The following DSCAM variants were observed in gnomAD, a reference collection of about 807,000 sequenced individuals.
DSCAM encodes cell adhesion molecule DSCAM.
DSCAM carries 47 observed loss-of-function variants against 217.7 expected under a neutral mutation model. The observed-to-expected ratio is 0.22, with a 90% CI of 0.17 to 0.28. The LOEUF is 0.28. Among genes scored for constraint, DSCAM ranks in the 10% least tolerant of loss-of-function variants. The pLI is 1.00. For synonymous variants in DSCAM, 1,056 were observed against 1,015.3 expected, an observed-to-expected ratio of 1.04 and a Z score of -0.76; for missense variants, 2,080 against 2,618.3, an observed-to-expected ratio of 0.79 and a Z score of 4.49.
At chr21:40,044,032 G>C in intron 31 of DSCAM, 46 bp downstream of exon 31, 1 of 1,602,874 alleles carries the variant, frequency 6.2e-7, no homozygotes, top group Non-Finnish European at 8.5e-7. Context: ...AAGGTGCGGG[G>C]GCCGTGCTGG....
chr21:40,601,404 T>A (rs1233864380), intron 3 of DSCAM, among the ~76,000 whole-genome samples: 1 of 152,180 alleles, frequency 6.6e-6, no homozygotes, highest in East Asian at 1.9e-4. Flanking sequence ...ATTCCAGAAA[T>A]TTTTTTGTTA....
chr21:40,335,526 C>T (rs77608107), intron 8 of DSCAM, among the ~76,000 whole-genome samples: 8,912 of 152,152 alleles, frequency 0.059, 365 homozygotes, highest in Non-Finnish European at 0.083. Flanking sequence ...GTTAATGATT[C>T]AAAGGGCTTT....
intron 25 of DSCAM, 68 bp downstream of exon 25, chr21:40,080,084 T>G: frequency 1.6e-6 from 2 of 1,289,874 alleles, no homozygotes; most frequent in Non-Finnish European, 2.1e-6. Context: ...GGATCTTTTA[T>G]GATTCCAATC....
chr21:40,492,328 G>GAAC (rs747699308), intron 3 of DSCAM, among the ~76,000 whole-genome samples: 14 of 152,236 alleles, frequency 9.2e-5, no homozygotes, highest in Non-Finnish European at 1.8e-4. Flanking sequence ...AACTAATTGA[G>GAAC]AACAGGCTGA....
At chr21:40,142,802 C>A in intron 17 of DSCAM, 98 bp from the exon 18 acceptor site, 8 of 1,366,780 alleles carry the variant, frequency 5.9e-6, no homozygotes, top group Admixed American at 2.3e-5. Flanking sequence ...AATATGCAAG[C>A]AAAAAATTGC....
chr21:40,519,218 G>C (rs1286028687), intron 3 of DSCAM, among the ~76,000 whole-genome samples: 2 of 152,122 alleles, frequency 1.3e-5, no homozygotes, highest in Non-Finnish European at 2.9e-5. Context: ...TTATGTGTGA[G>C]CTTGGCTAGG....
At chr21:40,226,902 C>A (rs2091337992) in intron 11 of DSCAM, among the ~76,000 whole-genome samples, 1 of 152,124 alleles carries the variant, frequency 6.6e-6, no homozygotes, top group Non-Finnish European at 1.5e-5. Flanking sequence ...CCTCCTCCCA[C>A]CATCCACCCT....
intron 3 of DSCAM, among the ~76,000 whole-genome samples, chr21:40,534,914 G>A (rs997666197): frequency 3.9e-5 from 6 of 152,050 alleles, no homozygotes; most frequent in African/African-American, 1.5e-4. Flanking sequence ...CTAAACTTAC[G>A]TGGTATCATC....
intron 1 of DSCAM, among the ~76,000 whole-genome samples, chr21:40,716,859 C>G (rs776253765): frequency 1.3e-5 from 2 of 152,146 alleles, no homozygotes; most frequent in African/African-American, 2.4e-5. Context: ...GAAGGGTACT[C>G]TAGTTCACAT....
intron 3 of DSCAM, among the ~76,000 whole-genome samples, chr21:40,512,010 A>AAAAAAAAAAAAT (rs61560593): frequency 0.022 from 2,378 of 106,304 alleles, 439 homozygotes; most frequent in Middle Eastern, 0.047. Flanking sequence ...AAAAAAAAAA[A>AAAAAAAAAAAAT]GTATTCTATT....
chr21:40,439,266 T>C (rs945678130), intron 3 of DSCAM, among the ~76,000 whole-genome samples: 3 of 152,186 alleles, frequency 2.0e-5, no homozygotes, highest in African/African-American at 7.2e-5. Flanking sequence ...TTCCACAACA[T>C]ATACACAGGC....
At chr21:40,524,065 A>G (rs550611430) in intron 3 of DSCAM, among the ~76,000 whole-genome samples, 10 of 152,234 alleles carry the variant, frequency 6.6e-5, no homozygotes, top group Non-Finnish European at 1.2e-4. Context: ...TTATAACAAA[A>G]AATGCCAGTA....
At chr21:40,122,556 A>C in intron 20 of DSCAM, among the ~76,000 whole-genome samples, 1 of 152,206 alleles carries the variant, frequency 6.6e-6, no homozygotes, top group East Asian at 1.9e-4. Context: ...GAAAAGCAGA[A>C]GCCACCCTGG....
At position 40,635,855 on chromosome 21, in the gene DSCAM, A is replaced by G. The variant is rs73905017; in HGVS notation, c.508+56955T>C. Among the ~76,000 whole-genome samples, 151 of 152,358 alleles carry G rather than the reference A, an allele frequency of 9.9e-4. 2 individuals are homozygous for G. Among genetic ancestry groups the G allele is most frequent in the African/African-American group, 3.0e-3 (125 of 41,588 alleles). On this transcript the variant is annotated intron_variant, in intron 3 of 32. Coordinates refer to ENST00000400454, the MANE Select transcript of DSCAM (RefSeq NM_001389.5). ...ACTGCACTTCCAAGTCAAAAGAATT[A>G]ATCTAAATATGTGTTGCTGACTCAA... is the stretch of plus-strand genomic sequence containing the variant.
At chr21:40,226,643 T>A (rs1395410235) in intron 11 of DSCAM, among the ~76,000 whole-genome samples, 1 of 152,226 alleles carries the variant, frequency 6.6e-6, no homozygotes, top group East Asian at 1.9e-4. Context: ...AGTCATTCTC[T>A]AATGTTTAGA....
At position 40,488,372 on chromosome 21, in the gene DSCAM, G is replaced by A. The variant is rs560904608; in HGVS notation, c.509-119127C>T. On this transcript the variant is annotated intron_variant, in intron 3 of 32. Coordinates refer to ENST00000400454, the MANE Select transcript of DSCAM (RefSeq NM_001389.5). ...ATATCGGGGATCCAGGAAAAGAGAC[G>A]TTTGGTCTCTGGAAACTTCTATTTG... 1.2e-4 allele frequency among the ~76,000 whole-genome samples: 18 copies of A among 152,326 alleles called. No individual in the cohort carries two copies. The East Asian group carries it at 2.7e-3, about 23-fold the overall frequency.
intron 8 of DSCAM, among the ~76,000 whole-genome samples, chr21:40,322,674 G>A (rs1245357678): frequency 3.3e-5 from 5 of 151,936 alleles, no homozygotes; most frequent in South Asian, 4.1e-4. Context: ...ACAGGTGCCC[G>A]CCATTACACC....
intron 20 of DSCAM, among the ~76,000 whole-genome samples, chr21:40,109,455 A>C (rs1172879022): frequency 6.6e-6 from 1 of 152,232 alleles, no homozygotes; most frequent in African/African-American, 2.4e-5. Flanking sequence ...AGATGGCGGA[A>C]TAGGAACAGC....
chr21:40,511,231 A>G (rs1443200700), intron 3 of DSCAM, among the ~76,000 whole-genome samples: 1 of 152,204 alleles, frequency 6.6e-6, no homozygotes, highest in Non-Finnish European at 1.5e-5. Flanking sequence ...CAGATATGAT[A>G]CTATCCTTAT....
Sources: gnomAD v4.1 joint callset for allele counts (sites outside exome capture counted in the v4.1 genomes callset) on GRCh38, gnomAD v4.1.1 for gene constraint, MANE v1.5 for transcripts, NCBI Gene and HGNC (gene_info 2026-07-23, HGNC 2026-07-21) for gene names.